RPE: variants seen among roughly 807,000 people sequenced by gnomAD.
RPE encodes the protein ribulose-phosphate 3-epimerase.
Under a neutral mutation model 24.6 loss-of-function variants are expected in RPE, and 16 were observed. The ratio of observed to expected loss-of-function variants is 0.65; its 90% confidence interval spans 0.44 to 0.99. The LOEUF (loss-of-function observed/expected upper bound fraction) is 0.99, where lower values mean the gene tolerates loss of function less well. RPE is among the 50% of genes least tolerant of loss of function. RPE has a pLI of 0.00. For missense variants in RPE, 240 were observed against 294.5 expected (o/e 0.81, Z 1.35); for synonymous variants, 93 against 98.4 (o/e 0.94, Z 0.33).
At chr2:210,009,791 C>T in intron 2 of RPE, 55 bp downstream of exon 2, 19 of 1,608,994 alleles carry the variant, frequency 1.2e-5, no homozygotes, top group Non-Finnish European at 1.6e-5. Flanking sequence ...TAAAGGAAAA[C>T]TGGATGGTTG....
At chr2:210,007,220 C>G (rs535594506) in intron 1 of RPE, among the ~76,000 whole-genome samples, 1 of 152,262 alleles carries the variant, frequency 6.6e-6, no homozygotes, top group African/African-American at 2.4e-5. Flanking sequence ...GTGTGTGGCC[C>G]ACATATAAGT....
intron 4 of RPE, among the ~76,000 whole-genome samples, chr2:210,016,866 C>T (rs959731547): frequency 2.0e-5 from 3 of 152,068 alleles, no homozygotes; most frequent in African/African-American, 7.2e-5. Context: ...TTCTTTGAGA[C>T]AAAGTCTTGC....
rs1278648881 is a variant in RPE, at chr2:210,021,154, C to G, written c.*1363C>G. 6.6e-6 allele frequency: 1 copy of G among 152,088 alleles called. No individual in the cohort carries two copies. The highest frequency in any genetic ancestry group is 6.5e-5 in the Admixed American group (1 of 15,272). The allele number at this position is 152,088 out of a possible 1,614,324, so 9.4% of individuals were successfully genotyped here. ...TTATACAGAGTCTAAAAATATGTGT[C>G]AGCTACTTCATTCCTGTAAATACTC... On this transcript the variant is annotated 3_prime_UTR_variant, in exon 6 of 6. Coordinates refer to ENST00000359429, the MANE Select transcript of RPE (RefSeq NM_199229.3).
At chr2:210,005,665 C>T (rs1010834873) in intron 1 of RPE, among the ~76,000 whole-genome samples, 1 of 152,118 alleles carries the variant, frequency 6.6e-6, no homozygotes, top group Admixed American at 6.5e-5. Context: ...CTTGCTAGCA[C>T]TGGGCCCTCA....
At chr2:210,017,425 C>CCAAAA in intron 4 of RPE, 48 bp from the exon 5 acceptor site, 8 of 1,104,228 alleles carry the variant, frequency 7.2e-6, no homozygotes, top group African/African-American at 1.5e-5. Flanking sequence ...CCACCCCCAC[C>CCAAAA]AACATACCCA....
chr2:210,019,593 C>T (rs1472739387), intron 5 of RPE, 76 bp from the exon 6 acceptor site: 3 of 1,548,426 alleles, frequency 1.9e-6, no homozygotes, highest in Non-Finnish European at 2.6e-6. Context: ...AGGGTAGACA[C>T]TCTAGTCCAG....
At chr2:210,017,425 C>CCACAAAAACACAAA in intron 4 of RPE, 48 bp from the exon 5 acceptor site, 1 of 1,104,250 alleles carries the variant, frequency 9.1e-7, no homozygotes. Context: ...CCACCCCCAC[C>CCACAAAAACACAAA]AACATACCCA....
Position 210,016,433 on chromosome 2 carries a change from G to T in RPE, c.343-74G>T. ...AAAAATAAGAACAGATATTTCTACT[G>T]GGCCTGCTATGCCACAATAATATAA... On this transcript the variant is annotated intron_variant, in intron 3 of 5. Coordinates refer to ENST00000359429, the MANE Select transcript of RPE (RefSeq NM_199229.3). 16 of 1,600,150 alleles carry T rather than the reference G, an allele frequency of 1.0e-5. No individual in the cohort carries two copies. The South Asian group carries it at 1.8e-4, about 18-fold the overall frequency.
In RPE at chr2:210,017,570, T is replaced by G. The variant is rs2093790760; in HGVS notation, c.564+11T>G. The G allele has an allele frequency of 6.2e-7, 1 of 1,612,732 alleles. No homozygotes were observed. The highest frequency in any genetic ancestry group is 1.3e-5 in the African/African-American group (1 of 74,860). ...CATAAATGTGCAGAGGTGAGATTGC[T>G]CTTCAACTATGACTAGACCAATTTC... On this transcript the variant is annotated intron_variant, in intron 5 of 5. Coordinates refer to ENST00000359429, the MANE Select transcript of RPE (RefSeq NM_199229.3).
At position 210,019,533 on chromosome 2, in the gene RPE, C is replaced by T. The variant is rs1285948167; in HGVS notation, c.565-136C>T. ...TCTTATTGAACTAGATTGCTTAAGT[C>T]TGCTTAATCTCAAAGTGGCTCTCAT... On this transcript the variant is annotated intron_variant, in intron 5 of 5. Transcript: ENST00000359429. 7.8e-6 allele frequency: 8 copies of T among 1,025,298 alleles called. No individual in the cohort carries two copies. In the Admixed American group the frequency reaches 2.4e-4, roughly 31 times the overall value. The allele number at this position is 1,025,298 out of a possible 1,614,324, so 63.5% of individuals were successfully genotyped here.
intron 2 of RPE, among the ~76,000 whole-genome samples, chr2:210,013,578 A>G (rs1475329318): frequency 2.0e-5 from 3 of 152,262 alleles, no homozygotes; most frequent in Admixed American, 6.5e-5. Context: ...TCCTAAGATT[A>G]TAGGTGTGAG....
intron 2 of RPE, among the ~76,000 whole-genome samples, chr2:210,012,235 T>A (rs1419098081): frequency 6.6e-6 from 1 of 152,242 alleles, no homozygotes; most frequent in Non-Finnish European, 1.5e-5. Context: ...ACACAAATCC[T>A]TAAGACCCTT....
At chr2:210,017,691 C>A in intron 5 of RPE, 132 bp downstream of exon 5, 2 of 703,160 alleles carry the variant, frequency 2.8e-6, no homozygotes, top group South Asian at 1.7e-5. Flanking sequence ...ATTTTTTGTT[C>A]ACATGTACAA....
At chr2:210,008,141 A>G (rs780443972) in intron 1 of RPE, among the ~76,000 whole-genome samples, 1 of 152,196 alleles carries the variant, frequency 6.6e-6, no homozygotes, top group Non-Finnish European at 1.5e-5. Context: ...ACTGACAACT[A>G]TACGATAGCA....
chr2:210,018,024 T>A, intron 5 of RPE: 1 of 960,306 alleles, frequency 1.0e-6, no homozygotes, highest in Admixed American at 2.7e-5. Context: ...GGATTACAGA[T>A]GTGAGCCATG....
At chr2:210,005,495 T>C (rs1291734000) in intron 1 of RPE, among the ~76,000 whole-genome samples, 1 of 152,130 alleles carries the variant, frequency 6.6e-6, no homozygotes, top group African/African-American at 2.4e-5. Context: ...AACACATAAA[T>C]GCATCATGAC....
chr2:210,003,858 G>C (rs1215275201), intron 1 of RPE, among the ~76,000 whole-genome samples: 1 of 152,026 alleles, frequency 6.6e-6, no homozygotes, highest in East Asian at 1.9e-4. Flanking sequence ...TGCTCTATGT[G>C]GTTAAATGTA....
chr2:210,007,226 T>C (rs143081111), intron 1 of RPE, among the ~76,000 whole-genome samples: 323 of 152,308 alleles, frequency 2.1e-3, no homozygotes, highest in Non-Finnish European at 3.4e-3. Flanking sequence ...GGCCCACATA[T>C]AAGTTTGGTT....
chr2:210,015,301 T>G (rs889173450), intron 2 of RPE, among the ~76,000 whole-genome samples: 1 of 152,250 alleles, frequency 6.6e-6, no homozygotes, highest in Non-Finnish European at 1.5e-5. Flanking sequence ...CGTAGCTTCC[T>G]CAGTCGATAG....
Sources: allele counts gnomAD v4.1 joint callset (sites outside exome capture counted in the v4.1 genomes callset), GRCh38; gene constraint gnomAD v4.1.1; transcripts MANE v1.5; gene names NCBI Gene and HGNC (gene_info 2026-07-23, HGNC 2026-07-21).